Variants in NSUN3 observed in about 807,000 individuals in gnomAD.
NSUN3 encodes tRNA (cytosine(34)-C(5))-methyltransferase, mitochondrial.
A neutral mutation model predicts 36.8 loss-of-function variants in NSUN3; 24 were observed. That is an observed-to-expected ratio of 0.65 (90% confidence interval 0.47 to 0.92). The LOEUF is 0.92. Among genes scored for constraint, NSUN3 ranks in the 40% least tolerant of loss-of-function variants. NSUN3 has a pLI of 0.00. For synonymous variants in NSUN3, 146 were observed against 145.2 expected (o/e 1.01, Z -0.04); for missense variants, 381 against 392.8 (o/e 0.97, Z 0.25).
At chr3:94,105,006 A>G (rs2077383019) in intron 5 of NSUN3, among the ~76,000 whole-genome samples, 1 of 152,202 alleles carries the variant, frequency 6.6e-6, no homozygotes, top group South Asian at 2.1e-4. Context: ...ACAAAACAAA[A>G]CTGAGCCAAT....
Position 94,084,280 on chromosome 3 carries a change from G to T in NSUN3, c.296G>T (p.Arg99Leu). ...TGTTACCTTAGCAGAACTCCGGGCC[G>T]AATCCCTTCAGAAAGACACCAAATT... ...VKCYLSRTPG[R>L]IPSERHQIGN... Residue 99 changes from arginine (R) to leucine (L), a missense_variant, in exon 3 of 6, where the codon CGA (arginine) becomes CTA (leucine). Arg to Leu is a moderately radical substitution (Grantham distance 102). Transcript: ENST00000314622. The T allele has an allele frequency of 1.9e-6, 3 of 1,614,040 alleles. No homozygotes were observed. In the South Asian group the frequency reaches 3.3e-5, roughly 18 times the overall value.
intron 5 of NSUN3, among the ~76,000 whole-genome samples, chr3:94,115,794 AC>A (rs2077437515): frequency 6.6e-6 from 1 of 152,198 alleles, no homozygotes; most frequent in Admixed American, 6.5e-5. Flanking sequence ...CTAATCAAGC[AC>A]CAAAAGAATA....
In NSUN3 at chr3:94,091,700, A is replaced by G. The variant is rs553984503; in HGVS notation, c.467-2440A>G. On this transcript the variant is annotated intron_variant, in intron 3 of 5. Coordinates refer to ENST00000314622, the MANE Select transcript of NSUN3 (RefSeq NM_022072.5). ...TTGGGTTACCACTAGAAAAGTCAAAATAGAATGTAAAACATTTAAACTAGA... is the reference window on the plus strand; with the variant it reads ...TTGGGTTACCACTAGAAAAGTCAAAGTAGAATGTAAAACATTTAAACTAGA... 1.6e-4 allele frequency among the ~76,000 whole-genome samples: 25 copies of G among 152,350 alleles called. No homozygotes were observed. In the Middle Eastern group the frequency reaches 0.01, roughly 62 times the overall value.
chr3:94,084,266 C>G lies in NSUN3; in HGVS notation c.282C>G (p.Ser94Arg). 1.2e-6 allele frequency: 2 copies of G among 1,614,108 alleles called. No homozygotes were observed. The highest frequency in any genetic ancestry group is 1.7e-6 in the Non-Finnish European group (2 of 1,180,014). The change falls in exon 3 of 6, where the codon AGC becomes AGG. Residue 94 changes from serine to arginine, a missense_variant. By Grantham distance (110) the Ser-to-Arg change is moderately radical (BLOSUM62 -1). Transcript: ENST00000314622. ...NYPKSVKCYL[S>R]RTPGRIPSER... Reference sequence around the variant, plus strand: ...CTAAATCAGTGAAGTGTTACCTTAGCAGAACTCCGGGCCGAATCCCTTCAG... The same window carrying G: ...CTAAATCAGTGAAGTGTTACCTTAGGAGAACTCCGGGCCGAATCCCTTCAG...
Position 94,067,269 on chromosome 3 carries a change from G to C in NSUN3, c.122+2723G>C, listed in dbSNP as rs145448333. On this transcript the variant is annotated intron_variant, in intron 2 of 5. Coordinates refer to ENST00000314622, the MANE Select transcript of NSUN3 (RefSeq NM_022072.5). ...CCTCGTTGATGATTCCGTTGGAGAG[G>C]ACAGCTGGAAGCTTCATGCTTTGAA... Among the ~76,000 whole-genome samples, 819 of 152,312 alleles carry C rather than the reference G, an allele frequency of 5.4e-3. 3 individuals are homozygous for C. Among genetic ancestry groups the C allele is most frequent in the South Asian group, 0.017 (80 of 4,834 alleles).
intron 5 of NSUN3, among the ~76,000 whole-genome samples, chr3:94,098,925 G>A (rs561037455): frequency 3.9e-5 from 6 of 152,116 alleles, no homozygotes; most frequent in South Asian, 2.1e-4. Context: ...TATCTAGTAC[G>A]TGCCTCTCTT....
intron 5 of NSUN3, among the ~76,000 whole-genome samples, chr3:94,105,829 A>G (rs990396760): frequency 1.3e-5 from 2 of 151,866 alleles, no homozygotes; most frequent in Non-Finnish European, 2.9e-5. Flanking sequence ...TCATAAGCAC[A>G]TTTGCCATGG....
intron 3 of NSUN3, chr3:94,085,216 G>T (rs2077286984): frequency 6.6e-6 from 1 of 151,860 alleles, no homozygotes; most frequent in Non-Finnish European, 1.5e-5. Flanking sequence ...GTGATACACA[G>T]GTTTACAAAT....
At chr3:94,105,819 T>C (rs539212918) in intron 5 of NSUN3, among the ~76,000 whole-genome samples, 1 of 152,112 alleles carries the variant, frequency 6.6e-6, no homozygotes, top group African/African-American at 2.4e-5. Context: ...CAATCTCCAT[T>C]CATAAGCACA....
rs781643163 is a variant in NSUN3, at chr3:94,063,105, T to C, written c.-22T>C. On this transcript the variant is annotated 5_prime_UTR_variant, in exon 1 of 6. Coordinates refer to ENST00000314622, the MANE Select transcript of NSUN3 (RefSeq NM_022072.5). ...GATACTGATTCGCGTACACCTGTTG[T>C]TTGAAAGCTCTCAGCGGGACAATGC... 1 of 1,614,062 alleles carries C rather than the reference T, an allele frequency of 6.2e-7. No individual in the cohort carries two copies. The highest frequency in any genetic ancestry group is 1.1e-5 in the South Asian group (1 of 91,074).
intron 5 of NSUN3, among the ~76,000 whole-genome samples, chr3:94,104,016 A>T (rs1009041225): frequency 6.6e-6 from 1 of 152,194 alleles, no homozygotes; most frequent in Non-Finnish European, 1.5e-5. Context: ...TGCTAAGAGG[A>T]TAGTTCTTAT....
At chr3:94,124,364 T>TG (rs1259607207) in intron 5 of NSUN3, among the ~76,000 whole-genome samples, 1 of 152,006 alleles carries the variant, frequency 6.6e-6, no homozygotes, top group Non-Finnish European at 1.5e-5. Context: ...TGACCTCAGG[T>TG]GATCCATCTG....
At chr3:94,103,685 A>G (rs1357053296) in intron 5 of NSUN3, among the ~76,000 whole-genome samples, 1 of 152,162 alleles carries the variant, frequency 6.6e-6, no homozygotes, top group Non-Finnish European at 1.5e-5. Context: ...ATTATTCAAT[A>G]GTCTTTGAAA....
intron 3 of NSUN3, among the ~76,000 whole-genome samples, chr3:94,091,086 A>C (rs1017591008): frequency 6.6e-6 from 1 of 152,134 alleles, no homozygotes; most frequent in African/African-American, 2.4e-5. Flanking sequence ...AGGTAAATCC[A>C]TATGGGTCTG....
chr3:94,067,042 C>T (rs1255172188), intron 2 of NSUN3, among the ~76,000 whole-genome samples: 2 of 152,154 alleles, frequency 1.3e-5, no homozygotes, highest in African/African-American at 2.4e-5. Flanking sequence ...GATAATCTAA[C>T]GATGTGATTT....
At chr3:94,092,517 G>A (rs2077319534) in intron 3 of NSUN3, among the ~76,000 whole-genome samples, 2 of 152,184 alleles carry the variant, frequency 1.3e-5, no homozygotes, top group Admixed American at 1.3e-4. Context: ...AAATAAACAT[G>A]AAAACTAGCT....
rs1560037471 is a variant in NSUN3, at chr3:94,102,115, C to T, written c.743+6961C>T. On this transcript the variant is annotated intron_variant, in intron 5 of 5. Transcript: ENST00000314622. ...AAAGGAAGCTTAGATTATTCGGTAACGTTTTGAAAATTTGTATAAATCATC... is the reference window on the plus strand; with the variant it reads ...AAAGGAAGCTTAGATTATTCGGTAATGTTTTGAAAATTTGTATAAATCATC... Among the ~76,000 whole-genome samples the T allele has an allele frequency of 2.8e-5, 4 of 145,100 alleles. No homozygotes were observed. The South Asian group carries it at 6.5e-4, about 24-fold the overall frequency.
At chr3:94,090,211 A>T (rs1254922891) in intron 3 of NSUN3, among the ~76,000 whole-genome samples, 1 of 152,184 alleles carries the variant, frequency 6.6e-6, no homozygotes, top group Non-Finnish European at 1.5e-5. Flanking sequence ...GAAAAAAAAA[A>T]TTAAGATTTG....
At chr3:94,087,221 T>A (rs187680358) in intron 3 of NSUN3, among the ~76,000 whole-genome samples, 2 of 152,312 alleles carry the variant, frequency 1.3e-5, no homozygotes, top group Non-Finnish European at 1.5e-5. Context: ...AAAGCCCAAG[T>A]TAGGTTAGCT....
Sources: gnomAD v4.1 joint callset for allele counts (sites outside exome capture counted in the v4.1 genomes callset) on GRCh38, gnomAD v4.1.1 for gene constraint, MANE v1.5 for transcripts, NCBI Gene and HGNC (gene_info 2026-07-23, HGNC 2026-07-21) for gene names.